The following IGSF9 variants were observed in gnomAD, a reference collection of about 807,000 sequenced individuals.
The protein encoded by IGSF9 is protein turtle homolog A.
IGSF9 carries 87 observed loss-of-function variants against 121.7 expected under a neutral mutation model. The observed-to-expected ratio is 0.71, with a 90% CI of 0.60 to 0.85. IGSF9 has a LOEUF of 0.85. Ranked by LOEUF, IGSF9 falls within the 40% of genes least tolerant of loss-of-function variation. IGSF9 has a pLI of 0.00. For synonymous variants in IGSF9, 640 were observed against 648.4 expected (o/e 0.99, Z 0.20); for missense variants, 1,462 against 1,565.3 (o/e 0.93, Z 1.11).
At chr1:159,942,531 G>C (rs924238572) in intron 3 of IGSF9, among the ~76,000 whole-genome samples, 6 of 152,194 alleles carry the variant, frequency 3.9e-5, no homozygotes, top group African/African-American at 1.4e-4. Flanking sequence ...GATGAGGAAG[G>C]GGGAGAGCGC....
intron 3 of IGSF9, among the ~76,000 whole-genome samples, chr1:159,942,529 AG>A (rs1381783300): frequency 6.6e-6 from 1 of 152,156 alleles, no homozygotes. Context: ...ACGATGAGGA[AG>A]GGGGAGAGCG....
intron 18 of IGSF9, 158 bp from the exon 19 acceptor site, chr1:159,929,176 G>A: frequency 1.5e-6 from 2 of 1,296,918 alleles, no homozygotes; most frequent in Middle Eastern, 1.8e-4. Context: ...GAAGGCACAG[G>A]CCATACTGGA....
rs757758969 is a variant in IGSF9 at position 159,930,755 on chromosome 1, C to G, written c.1750G>C (p.Val584Leu). ...CTCCCCAGCTTGTTCTGAGCTAGCA[C>G]GCTGAACTGGTACTGGGTGTGGGGC... ...LQPHTQYQFSVLAQNKLGSGP... is the reference protein window; with the variant it reads ...LQPHTQYQFSLLAQNKLGSGP... Residue 584 changes from valine to leucine, a missense_variant, in exon 14 of 21, where the codon GTG becomes CTG. Around this residue, in one of 3 missense-constraint regions of IGSF9, gnomAD observed 808 missense variants for 815.2 expected, o/e 0.99. Coordinates refer to ENST00000368094, the MANE Select transcript of IGSF9 (RefSeq NM_001135050.2). 6 of 1,614,036 alleles carry G rather than the reference C, an allele frequency of 3.7e-6. No homozygotes were observed. The Admixed American group carries it at 5.0e-5, about 13-fold the overall frequency.
rs747323087 is a variant in IGSF9 at position 159,937,668 on chromosome 1, T to G, written c.400+18A>C. ...CTCCTCCCCGTCCTTCTCCACCACC[T>G]GCCCCCCAGCTTCATACAATTGACT... On this transcript the variant is annotated intron_variant, in intron 4 of 20. Coordinates refer to ENST00000368094, the MANE Select transcript of IGSF9 (RefSeq NM_001135050.2). The G allele has an allele frequency of 6.2e-7, 1 of 1,603,042 alleles. No individual in the cohort carries two copies. The highest frequency in any genetic ancestry group is 1.3e-5 in the African/African-American group (1 of 74,740).
chr1:159,931,734 T>TC lies in IGSF9; in HGVS notation c.1362+77dup. On this transcript the variant is annotated intron_variant, in intron 11 of 20. Coordinates refer to ENST00000368094, the MANE Select transcript of IGSF9 (RefSeq NM_001135050.2). This position sits in a 1 kb window ranked among gnomAD's most constrained non-coding sequence, Gnocchi z 4.8. ...AGCCTTCTCCTTCCCACACCCTCCC[T>TC]CCCACAAAATGGCTGGGGCACGAGA... 6.8e-7 allele frequency: 1 copy of TC among 1,463,728 alleles called. No individual in the cohort carries two copies. Among genetic ancestry groups the TC allele is most frequent in the Non-Finnish European group, 9.4e-7 (1 of 1,069,454 alleles). The allele number at this position is 1,463,728 out of a possible 1,614,324, so 90.7% of individuals were successfully genotyped here.
intron 18 of IGSF9, 52 bp downstream of exon 18, chr1:159,929,299 T>A: frequency 6.3e-7 from 1 of 1,584,304 alleles, no homozygotes; most frequent in Non-Finnish European, 8.7e-7. Flanking sequence ...CAGAAGATAC[T>A]GGCACGTACA....
intron 18 of IGSF9, 146 bp from the exon 19 acceptor site, chr1:159,929,164 G>A (rs12731182): frequency 7.6e-7 from 1 of 1,311,550 alleles, no homozygotes; most frequent in East Asian, 2.5e-5. Context: ...GAGGGGTGGA[G>A]GGAAGGCACA....
Position 159,943,160 on chromosome 1 carries a change from T to C in IGSF9, c.59-9A>G, listed in dbSNP as rs1651458964. 4 of 1,579,426 alleles carry C rather than the reference T, an allele frequency of 2.5e-6. No homozygotes were observed. The highest frequency in any genetic ancestry group is 3.4e-6 in the Non-Finnish European group (4 of 1,167,018). On this transcript the variant is annotated splice_polypyrimidine_tract_variant and intron_variant, in intron 2 of 20. Coordinates refer to ENST00000368094, the MANE Select transcript of IGSF9 (RefSeq NM_001135050.2). ...CTCAGGCTTCCCTCGACCTGCATGA[T>C]GGGTGGCATGAGGGCACAACGGGGG...
chr1:159,928,719 C>T lies in IGSF9; in HGVS notation c.2669G>A (p.Ser890Asn). 1.4e-6 allele frequency: 2 copies of T among 1,475,934 alleles called. No individual in the cohort carries two copies. Among genetic ancestry groups the T allele is most frequent in the Non-Finnish European group, 9.0e-7 (1 of 1,111,632 alleles). 91.4% of individuals were successfully genotyped at this position (1,475,934 alleles called of 1,614,324 possible). Residue 890 changes from serine to asparagine, a missense_variant, in exon 19 of 21, where the codon AGC (serine) becomes AAC (asparagine). Around this residue, in one of 3 missense-constraint regions of IGSF9, gnomAD observed 808 missense variants for 815.2 expected, o/e 0.99. Transcript: ENST00000368094. Reference protein sequence around the residue: ...LARSFDCSSSSPSGAPQPLCI... With the variant: ...LARSFDCSSSNPSGAPQPLCI... Reference sequence around the variant, plus strand: ...GAGGGGCTGGGGTGCCCCACTGGGGCTGCTGCTGCTACAGTCAAAGGACCG... The same window carrying T: ...GAGGGGCTGGGGTGCCCCACTGGGGTTGCTGCTGCTACAGTCAAAGGACCG...
At chr1:159,929,599 C>G in intron 17 of IGSF9, 39 bp downstream of exon 17, 4 of 1,572,154 alleles carry the variant, frequency 2.5e-6, no homozygotes, top group Admixed American at 1.9e-5. Flanking sequence ...AGGCTAGGCC[C>G]AAGTGCGCAG....
chr1:159,943,174 G>A, intron 2 of IGSF9, 23 bp from the exon 3 acceptor site: 1 of 1,573,194 alleles, frequency 6.4e-7, no homozygotes. Context: ...TGGCATGAGG[G>A]CACAACGGGG....
rs1164603043 is a variant in IGSF9 at position 159,932,846 on chromosome 1, T to C, written c.1105-194A>G. The C allele has an allele frequency of 3.5e-6, 2 of 567,544 alleles. No individual in the cohort carries two copies. Among genetic ancestry groups the C allele is most frequent in the Non-Finnish European group, 6.1e-6 (2 of 327,282 alleles). The allele number at this position is 567,544 out of a possible 1,614,324, so 35.2% of individuals were successfully genotyped here. A position where few individuals can be genotyped will look rare whatever the true frequency, so the allele number is the denominator to read the frequency against. On this transcript the variant is annotated intron_variant, in intron 9 of 20. Transcript: ENST00000368094. The surrounding 1 kb of genome is among the most constrained non-coding windows in gnomAD (Gnocchi z 4.1). ...CCTGCAGAGGGACCCCTCCCAATAG[T>C]GTGAGGCTGTGACTGCACAACTCCA...
chr1:159,931,436 T>A lies in IGSF9; in HGVS notation c.1513+17A>T, dbSNP rs1650993486. On this transcript the variant is annotated intron_variant, in intron 12 of 20. Coordinates refer to ENST00000368094, the MANE Select transcript of IGSF9 (RefSeq NM_001135050.2). The surrounding 1 kb of genome is among the most constrained non-coding windows in gnomAD (Gnocchi z 4.8). ...AGTAGTTTCTCCCAGCCCCTGGCCC[T>A]CTCTCCAGCCACTAACCCAGCACGT... 6.2e-7 allele frequency: 1 copy of A among 1,608,818 alleles called. No individual in the cohort carries two copies. Among genetic ancestry groups the A allele is most frequent in the South Asian group, 1.1e-5 (1 of 90,976 alleles).
At chr1:159,944,112 A>C (rs761242308) in intron 1 of IGSF9, among the ~76,000 whole-genome samples, 1 of 152,130 alleles carries the variant, frequency 6.6e-6, no homozygotes, top group Admixed American at 6.5e-5. Context: ...TCTGTGACAA[A>C]TAAGGGCCCT....
chr1:159,939,201 C>T (rs1357742450), intron 3 of IGSF9, among the ~76,000 whole-genome samples: 2 of 152,150 alleles, frequency 1.3e-5, no homozygotes, highest in African/African-American at 4.8e-5. Flanking sequence ...TTGCTCATCC[C>T]CACCTTGACC....
intron 3 of IGSF9, among the ~76,000 whole-genome samples, 169 bp from the exon 4 acceptor site, chr1:159,938,007 C>T (rs1029507872): frequency 2.0e-5 from 3 of 152,144 alleles, no homozygotes; most frequent in Admixed American, 2.0e-4. Context: ...CAGGACAGGT[C>T]CCTCCATTCG....
intron 6 of IGSF9, among the ~76,000 whole-genome samples, chr1:159,935,888 C>G (rs924340422): frequency 6.6e-6 from 1 of 152,186 alleles, no homozygotes; most frequent in Admixed American, 6.5e-5. Flanking sequence ...TACAGTACCA[C>G]GGACAGCAAC....
Position 159,929,658 on chromosome 1 carries a change from C to G in IGSF9, c.2306G>C (p.Arg769Pro). ...CTTACCTTGGCGGAGGCGCTTGCGG[C>G]GGCGGCGGGCAGCCCTGCGCCGGTT... is the stretch of plus-strand genomic sequence containing the variant. ...LLNRRRAARR[R>P]RKRLRQDPPL... is the part of the protein sequence containing the mutation. Residue 769 changes from arginine (R) to proline (P), a missense_variant, in exon 17 of 21, where the codon CGC (arginine) becomes CCC (proline). Physicochemically the swap from Arg to Pro is moderately radical, Grantham distance 103. This residue lies in a region of IGSF9 where 808 missense variants were observed against 815.2 expected (regional missense o/e 0.99). Transcript: ENST00000368094. The G allele has an allele frequency of 6.3e-7, 1 of 1,593,090 alleles. No homozygotes were observed. Among genetic ancestry groups the G allele is most frequent in the Non-Finnish European group, 8.5e-7 (1 of 1,171,528 alleles).
In IGSF9 at chr1:159,942,951, G is replaced by T. The variant is rs1651440553; in HGVS notation, c.247+12C>A. 6.2e-7 allele frequency: 1 copy of T among 1,609,476 alleles called. No individual in the cohort carries two copies. The highest frequency in any genetic ancestry group is 8.5e-7 in the Non-Finnish European group (1 of 1,177,986). ...GATACCTCCCTACCTCCCACCTGAG[G>T]AGAACTCTTACCCACGTAATCAGGG... On this transcript the variant is annotated intron_variant, in intron 3 of 20. Transcript: ENST00000368094.
Sources: gnomAD v4.1 joint callset for allele counts (sites outside exome capture counted in the v4.1 genomes callset) on GRCh38, gnomAD v4.1.1 for gene constraint, gnomAD v4.1.1 regional missense constraint, Gnocchi (gnomAD v3.1) non-coding constraint, MANE v1.5 for transcripts, NCBI Gene and HGNC (gene_info 2026-07-23, HGNC 2026-07-21) for gene names.